Variants in RPS10 observed in about 807,000 individuals in gnomAD.
RPS10 encodes the protein small ribosomal subunit protein eS10.
In RPS10, 2 loss-of-function variants were observed where a neutral mutation model predicts 22.6. The observed-to-expected ratio is 0.09, with a 90% CI of 0.04 to 0.28. RPS10 has a LOEUF of 0.28. Among genes scored for constraint, RPS10 ranks in the 10% least tolerant of loss-of-function variants. The pLI is 1.00. For missense variants in RPS10, 137 were observed against 222.2 expected (o/e 0.62, Z 2.44); for synonymous variants, 70 against 75.9 (o/e 0.92, Z 0.40).
intron 3 of RPS10, 78 bp from the exon 4 acceptor site, chr6:34,421,885 C>G: frequency 6.5e-7 from 1 of 1,530,374 alleles, no homozygotes; most frequent in East Asian, 2.2e-5. Context: ...ACTGGCATTG[C>G]TCTCCTGTTG....
At chr6:34,424,996 C>G (rs1178982955) in intron 2 of RPS10, 76 bp downstream of exon 2, 3 of 1,608,954 alleles carry the variant, frequency 1.9e-6, no homozygotes, top group African/African-American at 2.7e-5. Flanking sequence ...GAAGATCCCT[C>G]CATCCCATTC....
chr6:34,418,208 C>T (rs1392383407), intron 5 of RPS10, 161 bp downstream of exon 5: 3 of 1,535,290 alleles, frequency 2.0e-6, no homozygotes, highest in Non-Finnish European at 2.6e-6. Flanking sequence ...AGTTTGCATG[C>T]TACAACTCAA....
intron 1 of RPS10, 36 bp from the exon 2 acceptor site, chr6:34,425,257 A>C: frequency 6.3e-7 from 1 of 1,578,648 alleles, no homozygotes; most frequent in Non-Finnish European, 8.6e-7. Context: ...AGCACTTCTG[A>C]GTAACGAGGC....
intron 3 of RPS10, among the ~76,000 whole-genome samples, chr6:34,422,553 G>A (rs2113801446): frequency 6.6e-6 from 1 of 152,094 alleles, no homozygotes; most frequent in South Asian, 2.1e-4. Flanking sequence ...GACCTCAAGT[G>A]ACCCTCCCGC....
chr6:34,423,321 G>A (rs554656502), intron 3 of RPS10, among the ~76,000 whole-genome samples: 7 of 151,850 alleles, frequency 4.6e-5, no homozygotes, highest in East Asian at 3.9e-4. Context: ...TTTTGTAGAC[G>A]GAGTCTCACT....
chr6:34,417,702 C>T, intron 5 of RPS10, 155 bp from the exon 6 acceptor site: 1 of 762,382 alleles, frequency 1.3e-6, no homozygotes, highest in Non-Finnish European at 2.3e-6. Context: ...CAGCACTGCC[C>T]CTTACTGGAT....
intron 4 of RPS10, 61 bp downstream of exon 4, chr6:34,421,669 A>G (rs1765774268): frequency 1.9e-6 from 3 of 1,594,892 alleles, no homozygotes; most frequent in Non-Finnish European, 2.6e-6. Flanking sequence ...AGCCAGAGCC[A>G]GCTGTGAGAA....
chr6:34,424,363 G>A (rs141949341), intron 3 of RPS10: 364 of 379,422 alleles, frequency 9.6e-4, no homozygotes, highest in African/African-American at 6.3e-3. Context: ...GACTTCTCGG[G>A]AATAGTACAA....
intron 4 of RPS10, among the ~76,000 whole-genome samples, chr6:34,420,018 G>C (rs1007374015): frequency 5.3e-4 from 80 of 152,248 alleles, no homozygotes; most frequent in African/African-American, 1.8e-3. Context: ...AAGTAGCTGG[G>C]ACTATAGGCA....
chr6:34,422,692 C>T (rs1412127149), intron 3 of RPS10, among the ~76,000 whole-genome samples: 1 of 151,478 alleles, frequency 6.6e-6, no homozygotes, highest in Non-Finnish European at 1.5e-5. Flanking sequence ...CTCCTGGTCT[C>T]ATGTGATCCT....
At chr6:34,422,706 G>A (rs146748958) in intron 3 of RPS10, among the ~76,000 whole-genome samples, 2 of 150,872 alleles carry the variant, frequency 1.3e-5, no homozygotes, top group African/African-American at 4.9e-5. Flanking sequence ...TGATCCTCCC[G>A]CCTTGGCCTC....
chr6:34,418,564 G>A, intron 4 of RPS10, 140 bp from the exon 5 acceptor site: 3 of 1,335,500 alleles, frequency 2.2e-6, no homozygotes, highest in South Asian at 2.5e-5. Flanking sequence ...ACCAGTGGTG[G>A]GGAATACCTT....
At position 34,417,513 on chromosome 6, in the gene RPS10, G is replaced by C. The variant is rs1226151295; in HGVS notation, c.491C>G (p.Pro164Arg). 4 of 1,612,416 alleles carry C rather than the reference G, an allele frequency of 2.5e-6. No homozygotes were observed. The highest frequency in any genetic ancestry group is 3.4e-6 in the Non-Finnish European group (4 of 1,179,732). Residue 164 changes from proline to arginine, a missense_variant, in exon 6 of 6, where the codon CCT (proline) becomes CGT (arginine). Coordinates refer to ENST00000648437, the MANE Select transcript of RPS10 (RefSeq NM_001014.5). ...AAAGAATCCTCTCCAATTTTACTGA[G>C]GTGGCTGACCACGTCCACGACCAAA... ...GGFGRGRGQP[P>R]Q
intron 4 of RPS10, 138 bp from the exon 5 acceptor site, chr6:34,418,562 T>A: frequency 7.4e-7 from 1 of 1,356,860 alleles, no homozygotes; most frequent in Non-Finnish European, 1.0e-6. Context: ...ACACCAGTGG[T>A]GGGGAATACC....
chr6:34,424,938 C>A, intron 2 of RPS10, 98 bp from the exon 3 acceptor site: 1 of 1,605,386 alleles, frequency 6.2e-7, no homozygotes, highest in South Asian at 1.1e-5. Context: ...TAGCAAGCAG[C>A]CCCCGCAGTC....
At chr6:34,421,896 T>A in intron 3 of RPS10, 89 bp from the exon 4 acceptor site, 1 of 1,429,978 alleles carries the variant, frequency 7.0e-7, no homozygotes, top group Non-Finnish European at 9.9e-7. Context: ...TCTCCTGTTG[T>A]CACTCTCAGC....
intron 4 of RPS10, among the ~76,000 whole-genome samples, chr6:34,418,722 A>T (rs1285831949): frequency 6.6e-6 from 1 of 152,116 alleles, no homozygotes; most frequent in Non-Finnish European, 1.5e-5. Flanking sequence ...CAGCATCTAG[A>T]TAACAAAGGG....
rs1765620712 is a variant in RPS10, at chr6:34,417,532, G to A, written c.472C>T (p.Arg158Cys). ...TACTGAGGTGGCTGACCACGTCCAC[G>A]ACCAAATCCGCCTCTCTGTAAGAGA... ...TEFQFRGGFG[R>C]GRGQPPQ Residue 158 changes from arginine (R) to cysteine (C), a missense_variant, in exon 6 of 6, where the codon CGT becomes TGT. Transcript: ENST00000648437. The A allele has an allele frequency of 1.9e-6, 3 of 1,612,930 alleles. No homozygotes were observed. The highest frequency in any genetic ancestry group is 1.1e-5 in the South Asian group (1 of 91,010).
intron 2 of RPS10, 62 bp from the exon 3 acceptor site, chr6:34,424,902 C>T (rs1401745088): frequency 3.1e-6 from 5 of 1,611,584 alleles, no homozygotes; most frequent in Non-Finnish European, 3.4e-6. Flanking sequence ...CTAGGCAAGT[C>T]TCCAGTCCCA....
Sources: gnomAD v4.1 joint callset for allele counts (sites outside exome capture counted in the v4.1 genomes callset) on GRCh38, gnomAD v4.1.1 for gene constraint, MANE v1.5 for transcripts, NCBI Gene and HGNC (gene_info 2026-07-23, HGNC 2026-07-21) for gene names.